PLAA: variants seen among roughly 807,000 people sequenced by gnomAD.
PLAA encodes the protein phospholipase A-2-activating protein.
Under a neutral mutation model 84.1 loss-of-function variants are expected in PLAA, and 48 were observed. That is an observed-to-expected ratio of 0.57 (90% CI 0.45 to 0.73). The LOEUF is 0.73. PLAA is among the 30% of genes least tolerant of loss of function. The pLI, the probability that PLAA is intolerant of heterozygous loss-of-function variation, is 0.00. For missense variants in PLAA, 903 were observed against 954.7 expected (o/e 0.95, Z 0.71); for synonymous variants, 392 against 336.6 (o/e 1.16, Z -1.80).
Position 26,905,862 on chromosome 9 carries a change from C to G in PLAA, c.2037G>C (p.Gln679His). The G allele has an allele frequency of 6.2e-7, 1 of 1,614,102 alleles. No homozygotes were observed. Among genetic ancestry groups the G allele is most frequent in the Non-Finnish European group, 8.5e-7 (1 of 1,179,968 alleles). The change falls in exon 14 of 14, where the codon CAG (glutamine) becomes CAC (histidine). Residue 679 changes from glutamine to histidine, a missense_variant. Transcript: ENST00000397292. ...GQAGQKLMMS[Q>H]RESLMSHAIE... ...TTGCATGGGACATCAGTGATTCCCTCTGGGACATCATGAGTTTTTGTCCTG... is the reference window on the plus strand; with the variant it reads ...TTGCATGGGACATCAGTGATTCCCTGTGGGACATCATGAGTTTTTGTCCTG...
At chr9:26,928,587 A>G (rs909956040) in intron 2 of PLAA, among the ~76,000 whole-genome samples, 179 bp from the exon 3 acceptor site, 5 of 152,254 alleles carry the variant, frequency 3.3e-5, no homozygotes, top group African/African-American at 1.2e-4. Flanking sequence ...CTCTGGTGCC[A>G]GACTGCCTGG....
At chr9:26,934,375 T>C (rs1825286549) in intron 2 of PLAA, among the ~76,000 whole-genome samples, 1 of 152,174 alleles carries the variant, frequency 6.6e-6, no homozygotes, top group African/African-American at 2.4e-5. Flanking sequence ...TAAATACTTT[T>C]AGTTTTCTGA....
At chr9:26,933,845 A>G (rs1006246920) in intron 2 of PLAA, among the ~76,000 whole-genome samples, 13 of 151,544 alleles carry the variant, frequency 8.6e-5, no homozygotes, top group African/African-American at 1.2e-4. Context: ...GTCTCACTCT[A>G]TCACCCAGGC....
At position 26,922,159 on chromosome 9, in the gene PLAA, A is replaced by G. The variant is rs1049165901; in HGVS notation, c.1039+1019T>C. ...CAGTATTTTGACTTACTTTATGTCT[A>G]CTTTAGGTTTTCTCACCCGGAATAT... On this transcript the variant is annotated intron_variant, in intron 7 of 13. Coordinates refer to ENST00000397292, the MANE Select transcript of PLAA (RefSeq NM_001031689.3). Among the ~76,000 whole-genome samples, 10 of 152,306 alleles carry G rather than the reference A, an allele frequency of 6.6e-5. No individual in the cohort carries two copies. The East Asian group carries it at 1.9e-3, about 29-fold the overall frequency.
chr9:26,936,631 C>A (rs1294551445), intron 1 of PLAA, among the ~76,000 whole-genome samples: 2 of 152,200 alleles, frequency 1.3e-5, no homozygotes, highest in Non-Finnish European at 2.9e-5. Context: ...GGCAGTCATG[C>A]ATCTGTTCCC....
chr9:26,928,396 G>A lies in PLAA; in HGVS notation c.356C>T (p.Ser119Leu). 2 of 1,607,146 alleles carry A rather than the reference G, an allele frequency of 1.2e-6. No homozygotes were observed. The highest frequency in any genetic ancestry group is 1.7e-6 in the Non-Finnish European group (2 of 1,173,674). The change falls in exon 3 of 14, where the codon TCA becomes TTA. Residue 119 changes from serine (S) to leucine (L), a missense_variant. Ser to Leu is a moderately radical substitution (Grantham distance 145). Transcript: ENST00000397292. ...KGHKNTVCSL[S>L]SGKFGTLLSG... ...AAGTAATGTCCCAAATTTTCCAGATGATAGACTACAAACTAAGGAAAAAAC... is the reference window on the plus strand; with the variant it reads ...AAGTAATGTCCCAAATTTTCCAGATAATAGACTACAAACTAAGGAAAAAAC...
At chr9:26,930,659 T>G (rs929661676) in intron 2 of PLAA, among the ~76,000 whole-genome samples, 4 of 151,510 alleles carry the variant, frequency 2.6e-5, no homozygotes, top group African/African-American at 4.9e-5. Flanking sequence ...CTTGGCTCAC[T>G]GCAACCTCCG....
chr9:26,915,842 T>C (rs1041201623), intron 10 of PLAA: 15 of 985,306 alleles, frequency 1.5e-5, no homozygotes, highest in South Asian at 4.7e-5. Flanking sequence ...ATGTTCTTTC[T>C]GTTCCAGAAA....
intron 9 of PLAA, among the ~76,000 whole-genome samples, chr9:26,917,617 G>A (rs767463710): frequency 2.0e-5 from 3 of 152,096 alleles, no homozygotes; most frequent in Non-Finnish European, 4.4e-5. Context: ...ATGGACTCAG[G>A]GCTGGGGATC....
intron 1 of PLAA, among the ~76,000 whole-genome samples, chr9:26,942,859 A>T (rs1355029086): frequency 1.4e-5 from 2 of 143,118 alleles, no homozygotes; most frequent in East Asian, 4.3e-4. Context: ...GGCCTGGGCG[A>T]CAGAGCGAGA....
intron 2 of PLAA, among the ~76,000 whole-genome samples, chr9:26,930,103 ATTATT>A (rs1825128232): frequency 6.8e-6 from 1 of 147,072 alleles, no homozygotes; most frequent in African/African-American, 2.5e-5. Context: ...TATTATTATT[ATTATT>A]TTTTTTTTTT....
At chr9:26,916,114 G>C in intron 10 of PLAA, 1 of 985,364 alleles carries the variant, frequency 1.0e-6, no homozygotes, top group Non-Finnish European at 1.2e-6. Context: ...TAAATTCACA[G>C]GAAAAAGGAA....
intron 1 of PLAA, among the ~76,000 whole-genome samples, chr9:26,945,674 T>C (rs1441184022): frequency 1.3e-5 from 2 of 152,202 alleles, no homozygotes; most frequent in African/African-American, 4.8e-5. Context: ...TTGAAACTAT[T>C]TGAAGGCTTC....
intron 1 of PLAA, among the ~76,000 whole-genome samples, chr9:26,939,484 CAAA>C (rs58833364): frequency 0.019 from 1,481 of 76,926 alleles, 21 homozygotes; most frequent in African/African-American, 0.062. Flanking sequence ...GATGAGAGAC[CAAA>C]AAAAAAAAAA....
At chr9:26,939,047 C>T (rs550929612) in intron 1 of PLAA, among the ~76,000 whole-genome samples, 18 of 152,084 alleles carry the variant, frequency 1.2e-4, no homozygotes, top group Non-Finnish European at 2.2e-4. Flanking sequence ...ATGGTAAACA[C>T]ACACAAAAAT....
intron 10 of PLAA, chr9:26,916,286 G>T (rs1401410719): frequency 1.0e-6 from 1 of 985,220 alleles, no homozygotes; most frequent in Non-Finnish European, 1.2e-6. Flanking sequence ...TTCCCAAACT[G>T]AGTATACTGT....
At position 26,924,281 on chromosome 9, in the gene PLAA, C is replaced by T. The variant is rs578012032; in HGVS notation, c.870-934G>A. Among the ~76,000 whole-genome samples, 3 of 152,142 alleles carry T rather than the reference C, an allele frequency of 2.0e-5. No individual in the cohort carries two copies. In the South Asian group the frequency reaches 6.2e-4, roughly 32 times the overall value. ...GAGCAGCTGGGACTACAAATGCATG[C>T]CACCATGCCCAGCTAATTAAATATT... On this transcript the variant is annotated intron_variant, in intron 6 of 13. Transcript: ENST00000397292.
rs137957543 is a variant in PLAA at position 26,938,377 on chromosome 9, C to T, written c.150-3171G>A. Among the ~76,000 whole-genome samples, 1,086 of 151,982 alleles carry T rather than the reference C, an allele frequency of 7.1e-3. 7 individuals carry two copies. The highest frequency in any genetic ancestry group is 9.8e-3 in the Non-Finnish European group (668 of 67,946). On this transcript the variant is annotated intron_variant, in intron 1 of 13. Coordinates refer to ENST00000397292, the MANE Select transcript of PLAA (RefSeq NM_001031689.3). ...CCAGCCTGGTCAACATAGCGAAACC[C>T]CATCTTGAAAAATTTTTTTGGAGCA...
chr9:26,915,649 A>C, intron 10 of PLAA: 1 of 950,976 alleles, frequency 1.1e-6, no homozygotes, highest in Non-Finnish European at 1.3e-6. Flanking sequence ...TTATATATTT[A>C]TACAAAAGTG....
Sources: allele counts gnomAD v4.1 joint callset (sites outside exome capture counted in the v4.1 genomes callset), GRCh38; gene constraint gnomAD v4.1.1; transcripts MANE v1.5; gene names NCBI Gene and HGNC (gene_info 2026-07-23, HGNC 2026-07-21).